The following TGFA variants were observed in gnomAD, a reference collection of about 807,000 sequenced individuals.
TGFA encodes transforming growth factor alpha.
TGFA carries 12 observed loss-of-function variants against 21.7 expected under a neutral mutation model. The observed-to-expected ratio is 0.55, with a 90% CI of 0.35 to 0.90. The LOEUF is 0.90. Ranked by LOEUF, TGFA falls within the 40% of genes least tolerant of loss-of-function variation. TGFA has a pLI of 0.01. For synonymous variants in TGFA, 79 were observed against 88.1 expected (o/e 0.90, Z 0.58); for missense variants, 178 against 210.8 (o/e 0.84, Z 0.96).
intron 1 of TGFA, among the ~76,000 whole-genome samples, chr2:70,515,957 C>A (rs953426021): frequency 6.6e-6 from 1 of 152,204 alleles, no homozygotes; most frequent in African/African-American, 2.4e-5. Flanking sequence ...ACCTCAAGCT[C>A]AGGGCCCTTG....
intron 1 of TGFA, among the ~76,000 whole-genome samples, chr2:70,518,983 G>T (rs1490786459): frequency 6.6e-6 from 1 of 152,200 alleles, no homozygotes; most frequent in Non-Finnish European, 1.5e-5. Context: ...GTAAGTTTTT[G>T]TTTTCAGGGG....
chr2:70,520,879 T>C (rs1420984994), intron 1 of TGFA, among the ~76,000 whole-genome samples: 2 of 152,084 alleles, frequency 1.3e-5, no homozygotes, highest in Non-Finnish European at 2.9e-5. Context: ...TTCCACCTCT[T>C]CCTTGGTTCT....
At chr2:70,545,869 T>C (rs911402012) in intron 1 of TGFA, among the ~76,000 whole-genome samples, 4 of 152,208 alleles carry the variant, frequency 2.6e-5, no homozygotes, top group Non-Finnish European at 4.4e-5. Flanking sequence ...GGATTACTAT[T>C]CTTCTCATAT....
chr2:70,523,416 C>T (rs1348141641), intron 1 of TGFA, among the ~76,000 whole-genome samples: 4 of 152,220 alleles, frequency 2.6e-5, no homozygotes, highest in Non-Finnish European at 5.9e-5. Context: ...AACACACTCA[C>T]TGGTGTTCCT....
intron 2 of TGFA, among the ~76,000 whole-genome samples, chr2:70,491,576 A>G (rs1363818469): frequency 2.6e-5 from 4 of 152,168 alleles, no homozygotes; most frequent in Non-Finnish European, 4.4e-5. Context: ...GAAAATTCAA[A>G]AAGTATGAAA....
intron 4 of TGFA, among the ~76,000 whole-genome samples, chr2:70,455,629 C>T (rs1670205644): frequency 6.6e-6 from 1 of 152,314 alleles, no homozygotes; most frequent in South Asian, 2.1e-4. Context: ...AATAAATCCC[C>T]TAAGACTCAG....
rs541651918 is a variant in TGFA, at chr2:70,547,069, T to C, written c.40+6659A>G. On this transcript the variant is annotated intron_variant, in intron 1 of 5. Transcript: ENST00000295400. Reference sequence around the variant, plus strand: ...ATGTAGGATATATCAAAAAGTGAAATTGATGACTCAGAAGTTATGCCCACT... The same window carrying C: ...ATGTAGGATATATCAAAAAGTGAAACTGATGACTCAGAAGTTATGCCCACT... 4.2e-4 allele frequency among the ~76,000 whole-genome samples: 64 copies of C among 152,310 alleles called. No individual in the cohort carries two copies. The South Asian group carries it at 5.8e-3, about 14-fold the overall frequency.
intron 5 of TGFA, 144 bp from the exon 6 acceptor site, chr2:70,451,010 T>C (rs1574062096): frequency 1.0e-6 from 1 of 953,468 alleles, no homozygotes; most frequent in East Asian, 2.6e-5. Context: ...CAAATTCTGC[T>C]GGTTCAGTCT....
intron 3 of TGFA, among the ~76,000 whole-genome samples, chr2:70,462,000 A>T (rs1056430794): frequency 7.9e-5 from 12 of 151,768 alleles, no homozygotes; most frequent in African/African-American, 2.9e-4. Context: ...CTTATGGAGG[A>T]TGGAGTTTAA....
At chr2:70,548,026 A>G (rs996097188) in intron 1 of TGFA, among the ~76,000 whole-genome samples, 5 of 152,020 alleles carry the variant, frequency 3.3e-5, no homozygotes, top group African/African-American at 7.2e-5. Flanking sequence ...GAGAAAAAAT[A>G]TGATTTGCAA....
chr2:70,526,469 G>A (rs1436880644), intron 1 of TGFA, among the ~76,000 whole-genome samples: 2 of 152,170 alleles, frequency 1.3e-5, no homozygotes, highest in African/African-American at 4.8e-5. Context: ...GCCACGTGTA[G>A]CAAAGCTGTT....
chr2:70,550,542 C>T (rs1178414179), intron 1 of TGFA, among the ~76,000 whole-genome samples: 7 of 152,044 alleles, frequency 4.6e-5, no homozygotes, highest in African/African-American at 1.2e-4. Context: ...CCTCCAGGGC[C>T]GGGCACGGTG....
chr2:70,535,115 T>C (rs781883734), intron 1 of TGFA, among the ~76,000 whole-genome samples: 6 of 152,094 alleles, frequency 3.9e-5, no homozygotes, highest in Non-Finnish European at 7.3e-5. Context: ...GTTTGTACAA[T>C]ATGTAAGGTA....
At chr2:70,514,774 G>T in intron 2 of TGFA, 85 bp downstream of exon 2, 1 of 1,433,588 alleles carries the variant, frequency 7.0e-7, no homozygotes, top group Non-Finnish European at 9.7e-7. Flanking sequence ...CAGGAGGCCA[G>T]GGAGGGAGCT....
intron 1 of TGFA, among the ~76,000 whole-genome samples, chr2:70,541,421 A>G (rs1185065794): frequency 1.3e-5 from 2 of 152,222 alleles, no homozygotes; most frequent in Non-Finnish European, 2.9e-5. Context: ...CTTGCCCAGA[A>G]AGAAGGCTGG....
chr2:70,481,084 G>A (rs1330987894), intron 2 of TGFA, among the ~76,000 whole-genome samples: 1 of 152,148 alleles, frequency 6.6e-6, no homozygotes, highest in African/African-American at 2.4e-5. Flanking sequence ...ATAGTTCCAT[G>A]AAAAATTTGT....
At chr2:70,480,136 C>T (rs1472607982) in intron 2 of TGFA, among the ~76,000 whole-genome samples, 6 of 152,222 alleles carry the variant, frequency 3.9e-5, no homozygotes, top group Non-Finnish European at 8.8e-5. Context: ...TTGGTAGAAG[C>T]AGGAGACAAC....
chr2:70,519,983 T>G (rs1290742218), intron 1 of TGFA, among the ~76,000 whole-genome samples: 3 of 152,216 alleles, frequency 2.0e-5, no homozygotes, highest in African/African-American at 7.2e-5. Context: ...TGCTAAGGCT[T>G]GGTGTGCTCA....
chr2:70,493,720 T>C (rs1252186032), intron 2 of TGFA, among the ~76,000 whole-genome samples: 1 of 152,174 alleles, frequency 6.6e-6, no homozygotes, highest in African/African-American at 2.4e-5. Flanking sequence ...CTAATGATGG[T>C]TAACAAATGC....
Sources: allele counts gnomAD v4.1 joint callset (sites outside exome capture counted in the v4.1 genomes callset), GRCh38; gene constraint gnomAD v4.1.1; transcripts MANE v1.5; gene names NCBI Gene and HGNC (gene_info 2026-07-23, HGNC 2026-07-21).